GPC5: variants seen among roughly 807,000 people sequenced by gnomAD.
GPC5 encodes the protein glypican 5.
GPC5 carries 47 observed loss-of-function variants against 53.9 expected under a neutral mutation model. The observed-to-expected ratio is 0.87, with a 90% CI of 0.69 to 1.11. The LOEUF (loss-of-function observed/expected upper bound fraction) is 1.11, where lower values mean the gene tolerates loss of function less well. GPC5 is among the 50% of genes most tolerant of loss of function. The pLI, the probability that GPC5 is intolerant of heterozygous loss-of-function variation, is 0.00. For synonymous variants in GPC5, 286 were observed against 263.3 expected (o/e 1.09, Z -0.84); for missense variants, 748 against 713.1 (o/e 1.05, Z -0.56).
At chr13:91,538,291 A>G (rs965279018) in intron 2 of GPC5, among the ~76,000 whole-genome samples, 4 of 152,198 alleles carry the variant, frequency 2.6e-5, no homozygotes, top group Admixed American at 1.3e-4. Flanking sequence ...GTTTTGATCC[A>G]GGGATAGGAG....
chr13:91,515,515 A>C (rs545647657), intron 2 of GPC5, among the ~76,000 whole-genome samples: 1 of 152,308 alleles, frequency 6.6e-6, no homozygotes, highest in African/African-American at 2.4e-5. Context: ...ACAGTGGTTA[A>C]ATAACTTGCC....
chr13:92,797,066 G>A (rs1215316295), intron 7 of GPC5, among the ~76,000 whole-genome samples: 2 of 151,818 alleles, frequency 1.3e-5, no homozygotes, highest in African/African-American at 2.4e-5. Flanking sequence ...TAACCCGTAC[G>A]GTGCAACAAC....
At chr13:92,437,142 C>G (rs1207105794) in intron 7 of GPC5, among the ~76,000 whole-genome samples, 2 of 150,198 alleles carry the variant, frequency 1.3e-5, no homozygotes, top group African/African-American at 4.9e-5. Context: ...TTAAGAGTTG[C>G]CTCTGGGAAA....
intron 2 of GPC5, among the ~76,000 whole-genome samples, chr13:91,686,273 C>A (rs1230548515): frequency 6.6e-6 from 1 of 151,740 alleles, no homozygotes; most frequent in Non-Finnish European, 1.5e-5. Context: ...CCATGAAGCC[C>A]AAATTAATGA....
At chr13:92,224,531 T>A (rs1258431210) in intron 7 of GPC5, among the ~76,000 whole-genome samples, 2 of 152,210 alleles carry the variant, frequency 1.3e-5, no homozygotes, top group East Asian at 3.9e-4. Flanking sequence ...CGGATTTCAA[T>A]AGGGTCCACC....
At chr13:91,667,934 T>C (rs1215639687) in intron 2 of GPC5, among the ~76,000 whole-genome samples, 1 of 152,212 alleles carries the variant, frequency 6.6e-6, no homozygotes, top group Non-Finnish European at 1.5e-5. Flanking sequence ...TGGAACTCAG[T>C]ACCATGGATG....
intron 5 of GPC5, among the ~76,000 whole-genome samples, chr13:91,785,996 G>A (rs1476029961): frequency 6.6e-5 from 10 of 151,742 alleles, no homozygotes; most frequent in Non-Finnish European, 1.0e-4. Context: ...ATGATTCAAA[G>A]TTTTTCTTTC....
intron 2 of GPC5, among the ~76,000 whole-genome samples, chr13:91,657,719 G>C (rs970099689): frequency 2.0e-5 from 3 of 152,108 alleles, no homozygotes; most frequent in Non-Finnish European, 4.4e-5. Context: ...TCCTGCCTAA[G>C]TTATATAACT....
intron 6 of GPC5, among the ~76,000 whole-genome samples, chr13:91,943,334 A>G (rs1056082181): frequency 2.0e-5 from 3 of 151,698 alleles, no homozygotes; most frequent in Non-Finnish European, 4.4e-5. Context: ...AGAAAAGTTT[A>G]TTGCTTCACT....
chr13:92,541,778 A>G (rs543009452), intron 7 of GPC5, among the ~76,000 whole-genome samples: 4 of 152,024 alleles, frequency 2.6e-5, no homozygotes, highest in South Asian at 4.1e-4. Flanking sequence ...CTACTAGTCC[A>G]TATGGAATTC....
At chr13:91,721,276 A>G (rs1163758209) in intron 3 of GPC5, among the ~76,000 whole-genome samples, 1 of 152,052 alleles carries the variant, frequency 6.6e-6, no homozygotes, top group Non-Finnish European at 1.5e-5. Flanking sequence ...CTGGACTTAC[A>G]GGTGCCTGCC....
intron 1 of GPC5, among the ~76,000 whole-genome samples, chr13:91,405,739 T>C (rs1052507911): frequency 1.3e-5 from 2 of 152,100 alleles, no homozygotes; most frequent in African/African-American, 2.4e-5. Flanking sequence ...CAATGAACCG[T>C]GTGGTTGGTT....
At chr13:92,852,266 C>T (rs772119507) in intron 7 of GPC5, among the ~76,000 whole-genome samples, 10 of 152,224 alleles carry the variant, frequency 6.6e-5, no homozygotes, top group Admixed American at 2.0e-4. Flanking sequence ...TTGACCATTA[C>T]GTTGTAGCGT....
chr13:92,466,158 C>T (rs1878682521), intron 7 of GPC5, among the ~76,000 whole-genome samples: 1 of 145,822 alleles, frequency 6.9e-6, no homozygotes, highest in South Asian at 2.3e-4. Context: ...TCATATTATA[C>T]CCCATAAATA....
intron 7 of GPC5, among the ~76,000 whole-genome samples, chr13:92,712,490 G>C (rs1401764270): frequency 6.6e-6 from 1 of 151,506 alleles, no homozygotes; most frequent in Non-Finnish European, 1.5e-5. Context: ...AAATCATATA[G>C]GAAAAGCCAG....
chr13:92,019,294 G>T (rs1203757946), intron 6 of GPC5, among the ~76,000 whole-genome samples: 1 of 151,498 alleles, frequency 6.6e-6, no homozygotes, highest in African/African-American at 2.4e-5. Flanking sequence ...ATTTCTGAAC[G>T]TTTTACTATT....
intron 7 of GPC5, among the ~76,000 whole-genome samples, chr13:92,748,512 G>A (rs1328220427): frequency 6.6e-6 from 1 of 151,434 alleles, no homozygotes; most frequent in South Asian, 2.1e-4. Flanking sequence ...TTGTAGAGAC[G>A]GGGTTTCACC....
At chr13:91,892,566 G>T (rs987599407) in intron 5 of GPC5, among the ~76,000 whole-genome samples, 7 of 151,414 alleles carry the variant, frequency 4.6e-5, no homozygotes, top group Non-Finnish European at 1.0e-4. Context: ...AATTTTTAGT[G>T]AAAGCCTACT....
intron 7 of GPC5, among the ~76,000 whole-genome samples, chr13:92,308,899 C>T (rs1424751299): frequency 6.6e-6 from 1 of 152,064 alleles, no homozygotes; most frequent in Non-Finnish European, 1.5e-5. Flanking sequence ...ATATTGGATA[C>T]ATTCAAGCAT....
Sources: allele counts gnomAD v4.1 joint callset (sites outside exome capture counted in the v4.1 genomes callset), GRCh38; gene constraint gnomAD v4.1.1; transcripts MANE v1.5; gene names NCBI Gene and HGNC (gene_info 2026-07-23, HGNC 2026-07-21).